PTPRD: variants seen among roughly 807,000 people sequenced by gnomAD.
The protein encoded by PTPRD is receptor-type tyrosine-protein phosphatase delta.
Under a neutral mutation model 214.5 loss-of-function variants are expected in PTPRD, and 34 were observed. That is an observed-to-expected ratio of 0.16 (90% CI 0.12 to 0.21). The LOEUF (loss-of-function observed/expected upper bound fraction) is 0.21, where lower values mean the gene tolerates loss of function less well. Ranked by LOEUF, PTPRD falls within the 10% of genes least tolerant of loss-of-function variation. The pLI, the probability that PTPRD is intolerant of heterozygous loss-of-function variation, is 1.00. For missense variants in PTPRD, 2,545 were observed against 2,398.7 expected, an observed-to-expected ratio of 1.06 and a Z score of -1.27; for synonymous variants, 1,128 against 845.7, an observed-to-expected ratio of 1.33 and a Z score of -5.79.
At chr9:10,249,980 G>C (rs938114562) in intron 3 of PTPRD, among the ~76,000 whole-genome samples, 2 of 152,142 alleles carry the variant, frequency 1.3e-5, no homozygotes, top group Non-Finnish European at 2.9e-5. Flanking sequence ...TGTTGATTTT[G>C]ATGTTAATGT....
At chr9:9,923,096 G>GA (rs529699914) in intron 5 of PTPRD, among the ~76,000 whole-genome samples, 3 of 145,008 alleles carry the variant, frequency 2.1e-5, no homozygotes, top group African/African-American at 5.2e-5. Context: ...AATGACTAAG[G>GA]AAAAAAAAAG....
chr9:10,152,422 A>T (rs984071455), intron 3 of PTPRD, among the ~76,000 whole-genome samples: 8 of 152,198 alleles, frequency 5.3e-5, no homozygotes, highest in Non-Finnish European at 1.2e-4. Context: ...ATCATTCATC[A>T]GATATGTGAT....
At chr9:9,475,061 G>A (rs1479826216) in intron 8 of PTPRD, among the ~76,000 whole-genome samples, 1 of 152,114 alleles carries the variant, frequency 6.6e-6, no homozygotes, top group South Asian at 2.1e-4. Flanking sequence ...AAGAGTGCAC[G>A]ATCACTCTAA....
chr9:10,220,921 G>T (rs2099568987), intron 3 of PTPRD, among the ~76,000 whole-genome samples: 1 of 151,418 alleles, frequency 6.6e-6, no homozygotes, highest in Non-Finnish European at 1.5e-5. Flanking sequence ...GGAAGAAATG[G>T]ACAAAAAATA....
chr9:10,112,209 A>T (rs1477975030), intron 3 of PTPRD, among the ~76,000 whole-genome samples: 2 of 152,194 alleles, frequency 1.3e-5, no homozygotes, highest in East Asian at 3.9e-4. Context: ...GCTTTATGCC[A>T]CCAGAAGCCG....
chr9:9,568,292 A>G (rs1157974445), intron 8 of PTPRD, among the ~76,000 whole-genome samples: 2 of 151,922 alleles, frequency 1.3e-5, no homozygotes, highest in South Asian at 4.1e-4. Context: ...GTTTTGTAGT[A>G]GAACACATGG....
At chr9:8,900,239 C>T (rs2098656655) in intron 11 of PTPRD, among the ~76,000 whole-genome samples, 1 of 152,200 alleles carries the variant, frequency 6.6e-6, no homozygotes, top group Middle Eastern at 3.4e-3. Flanking sequence ...ATACAAATAT[C>T]CCTTTTAATG....
At chr9:10,602,273 C>CATTTTTAAA (rs1217054400) in intron 2 of PTPRD, among the ~76,000 whole-genome samples, 3 of 151,714 alleles carry the variant, frequency 2.0e-5, no homozygotes, top group Middle Eastern at 3.2e-3. Context: ...TTAAAATTCA[C>CATTTTTAAA]ATAACATTTC....
intron 2 of PTPRD, among the ~76,000 whole-genome samples, chr9:10,378,085 T>C (rs2097762689): frequency 1.3e-5 from 2 of 152,096 alleles, no homozygotes. Context: ...TTACAGCCTG[T>C]CTTTTGGATA....
intron 9 of PTPRD, among the ~76,000 whole-genome samples, chr9:9,290,336 T>C (rs989011453): frequency 4.6e-5 from 7 of 151,652 alleles, no homozygotes; most frequent in Non-Finnish European, 1.0e-4. Flanking sequence ...GTTGTGTGAG[T>C]TTCTTATATT....
At chr9:9,034,693 G>T (rs776871015) in intron 10 of PTPRD, among the ~76,000 whole-genome samples, 2 of 152,090 alleles carry the variant, frequency 1.3e-5, no homozygotes, top group Non-Finnish European at 2.9e-5. Flanking sequence ...TCACATCACA[G>T]CTCCCCATTT....
chr9:8,391,471 A>G (rs1467199772), intron 36 of PTPRD, among the ~76,000 whole-genome samples: 1 of 152,124 alleles, frequency 6.6e-6, no homozygotes, highest in African/African-American at 2.4e-5. Flanking sequence ...CCAACACCAG[A>G]TTACTGTAGA....
chr9:8,726,800 CA>C (rs1235553515), intron 12 of PTPRD, among the ~76,000 whole-genome samples: 345 of 5,794 alleles, frequency 0.06, no homozygotes, highest in Admixed American at 0.098. Context: ...GACTCCATCT[CA>C]AGAAAAAAAA....
At chr9:10,370,637 T>A (rs1054521404) in intron 2 of PTPRD, among the ~76,000 whole-genome samples, 4 of 152,116 alleles carry the variant, frequency 2.6e-5, no homozygotes, top group African/African-American at 9.7e-5. Context: ...CAGAATATTT[T>A]ACTCATCTAA....
intron 8 of PTPRD, among the ~76,000 whole-genome samples, chr9:9,431,045 T>A (rs955889719): frequency 6.6e-6 from 1 of 152,048 alleles, no homozygotes; most frequent in African/African-American, 2.4e-5. Context: ...AAGCCAAAAT[T>A]GACAAATGGG....
At chr9:8,318,703 T>G (rs998691072) in intron 45 of PTPRD, among the ~76,000 whole-genome samples, 1 of 151,990 alleles carries the variant, frequency 6.6e-6, no homozygotes, top group Non-Finnish European at 1.5e-5. Context: ...GATTGCTAGT[T>G]GTCTGTTTTA....
At chr9:9,980,608 C>CAAAAAAAAAAAAAA (rs750547585) in intron 4 of PTPRD, among the ~76,000 whole-genome samples, 2 of 11,406 alleles carry the variant, frequency 1.8e-4, no homozygotes, top group African/African-American at 7.2e-4. Context: ...GACACCTTGT[C>CAAAAAAAAAAAAAA]AAAAAAAAAC....
At chr9:8,431,951 C>G (rs2095084514) in intron 35 of PTPRD, among the ~76,000 whole-genome samples, 1 of 152,204 alleles carries the variant, frequency 6.6e-6, no homozygotes, top group Non-Finnish European at 1.5e-5. Context: ...GTGAATCTGT[C>G]TGGTCCTGGG....
chr9:9,587,612 G>C (rs186787660), intron 7 of PTPRD, among the ~76,000 whole-genome samples: 2 of 152,108 alleles, frequency 1.3e-5, no homozygotes, highest in Admixed American at 1.3e-4. Context: ...ACATCATAAA[G>C]GCTGGGGGTC....
Sources: gnomAD v4.1 joint callset for allele counts (sites outside exome capture counted in the v4.1 genomes callset) on GRCh38, gnomAD v4.1.1 for gene constraint, MANE v1.5 for transcripts, NCBI Gene and HGNC (gene_info 2026-07-23, HGNC 2026-07-21) for gene names.